The following MAN1A1 variants were observed in gnomAD, a reference collection of about 807,000 sequenced individuals.
MAN1A1 encodes the protein mannosyl-oligosaccharide 1,2-alpha-mannosidase IA.
Under a neutral mutation model 70.8 loss-of-function variants are expected in MAN1A1, and 29 were observed. The observed-to-expected ratio is 0.41, with a 90% CI of 0.31 to 0.56. The LOEUF (loss-of-function observed/expected upper bound fraction) is 0.56. Among genes scored for constraint, MAN1A1 ranks in the 20% least tolerant of loss-of-function variants. The probability of loss-of-function intolerance (pLI) is 0.29; values close to 1 mark genes in which losing one functional copy is unlikely to be tolerated. For synonymous variants in MAN1A1, 349 were observed against 330.1 expected (o/e 1.06, Z -0.62); for missense variants, 747 against 841.3 (o/e 0.89, Z 1.39).
intron 7 of MAN1A1, 111 bp downstream of exon 7, chr6:119,204,648 A>G: frequency 2.3e-6 from 3 of 1,310,982 alleles, no homozygotes; most frequent in East Asian, 4.6e-5. Flanking sequence ...AGAAAGAGCT[A>G]TAACAAATTT....
intron 5 of MAN1A1, among the ~76,000 whole-genome samples, chr6:119,284,934 C>T (rs893039855): frequency 1.3e-5 from 2 of 151,926 alleles, no homozygotes; most frequent in Non-Finnish European, 1.5e-5. Flanking sequence ...AAAGGAATAC[C>T]TGAGGCTGGG....
intron 6 of MAN1A1, among the ~76,000 whole-genome samples, chr6:119,228,682 C>A (rs1774587923): frequency 6.6e-6 from 1 of 151,570 alleles, no homozygotes. Context: ...CTTAAAAAAA[C>A]AAATTTGGAA....
At chr6:119,272,302 T>C (rs1044030868) in intron 5 of MAN1A1, among the ~76,000 whole-genome samples, 1 of 152,212 alleles carries the variant, frequency 6.6e-6, no homozygotes, top group African/African-American at 2.4e-5. Flanking sequence ...ACCTCTTTTA[T>C]CTCTCAGACC....
rs35544784 is a variant in MAN1A1, at chr6:119,179,830, T to C, written c.1951A>G (p.Arg651Gly). 775 of 1,612,342 alleles carry C rather than the reference T, an allele frequency of 4.8e-4. 2 individuals carry two copies. In the African/African-American group the frequency reaches 9.5e-3, roughly 20 times the overall value. ...LPKDKKEVEI[R>G]EE ...TATAAAATGTCTTTTTATTCCTCTC[T>C]GATTTCAACTTCCTTTTTATCTTTA... is the stretch of plus-strand genomic sequence containing the variant. The change falls in exon 13 of 13, where the codon AGA (arginine) becomes GGA (glycine). Residue 651 changes from arginine (R) to glycine (G), a missense_variant. By Grantham distance (125) the Arg-to-Gly change is moderately radical. Coordinates refer to ENST00000368468, the MANE Select transcript of MAN1A1 (RefSeq NM_005907.4).
chr6:119,330,429 A>G (rs1773277546), intron 2 of MAN1A1, among the ~76,000 whole-genome samples: 1 of 152,090 alleles, frequency 6.6e-6, no homozygotes, highest in African/African-American at 2.4e-5. Flanking sequence ...AAAGTTCTAT[A>G]AATTCCGGTT....
At chr6:119,187,965 C>T (rs1166638646) in intron 11 of MAN1A1, among the ~76,000 whole-genome samples, 1 of 152,138 alleles carries the variant, frequency 6.6e-6, no homozygotes, top group Non-Finnish European at 1.5e-5. Context: ...TCTATAAGTG[C>T]TTTCTAAAAG....
chr6:119,296,648 C>T (rs1442943142), intron 4 of MAN1A1, among the ~76,000 whole-genome samples: 2 of 152,050 alleles, frequency 1.3e-5, no homozygotes, highest in African/African-American at 4.8e-5. Flanking sequence ...AACCCTACAA[C>T]TTACTTTCTT....
rs558278818 is a variant in MAN1A1, at chr6:119,212,078, G to A, written c.993-7196C>T. Among the ~76,000 whole-genome samples, 78 of 151,450 alleles carry A rather than the reference G, an allele frequency of 5.2e-4. 2 individuals are homozygous for A. In the South Asian group the frequency reaches 0.01, roughly 20 times the overall value. On this transcript the variant is annotated intron_variant, in intron 6 of 12. Coordinates refer to ENST00000368468, the MANE Select transcript of MAN1A1 (RefSeq NM_005907.4). ...GATGGTCTCGATCTCCCAACCTCAT[G>A]ATCTGCTCGCCTCAGCCTCCCAAAG... is the stretch of plus-strand genomic sequence containing the variant.
chr6:119,276,074 G>A (rs1776055695), intron 5 of MAN1A1, among the ~76,000 whole-genome samples: 1 of 152,070 alleles, frequency 6.6e-6, no homozygotes, highest in Non-Finnish European at 1.5e-5. Context: ...CATTCCAAAG[G>A]AAAGAAAGAA....
intron 5 of MAN1A1, among the ~76,000 whole-genome samples, chr6:119,281,680 T>G (rs185298499): frequency 1.3e-4 from 20 of 152,328 alleles, no homozygotes; most frequent in African/African-American, 4.8e-4. Context: ...CAGGTCTATT[T>G]CTCACTGATG....
At chr6:119,252,531 T>C (rs1281951698) in intron 5 of MAN1A1, among the ~76,000 whole-genome samples, 1 of 152,304 alleles carries the variant, frequency 6.6e-6, no homozygotes, top group Non-Finnish European at 1.5e-5. Flanking sequence ...CGGGGGCTCA[T>C]GCCTGTAATC....
chr6:119,249,488 G>GTC (rs1483559135), intron 5 of MAN1A1, among the ~76,000 whole-genome samples: 2 of 152,156 alleles, frequency 1.3e-5, no homozygotes, highest in Admixed American at 6.5e-5. Context: ...CCTTTAAGCC[G>GTC]TATGACTGAG....
chr6:119,180,342 T>C lies in MAN1A1; in HGVS notation c.1805A>G (p.Gln602Arg), dbSNP rs775259339. ...TGTCTCTGCCAGGAAGAAACTCTGC[T>C]GCACATCATCATAACTCTCATGAAG... ...YLLHESYDDV[Q>R]QSFFLAETLK... The change falls in exon 12 of 13, where the codon CAG (glutamine) becomes CGG (arginine). Residue 602 changes from glutamine (Q) to arginine (R), a missense_variant. Coordinates refer to ENST00000368468, the MANE Select transcript of MAN1A1 (RefSeq NM_005907.4). The C allele has an allele frequency of 6.2e-7, 1 of 1,613,854 alleles. No homozygotes were observed. Among genetic ancestry groups the C allele is most frequent in the South Asian group, 1.1e-5 (1 of 91,070 alleles).
At chr6:119,199,399 A>T (rs959648339) in intron 8 of MAN1A1, among the ~76,000 whole-genome samples, 13 of 152,174 alleles carry the variant, frequency 8.5e-5, no homozygotes, top group African/African-American at 2.9e-4. Flanking sequence ...TCAGCTTGCA[A>T]CTCAAAACAC....
At chr6:119,295,744 T>C (rs1307806063) in intron 4 of MAN1A1, among the ~76,000 whole-genome samples, 1 of 152,162 alleles carries the variant, frequency 6.6e-6, no homozygotes, top group Non-Finnish European at 1.5e-5. Context: ...CTCCAAACTC[T>C]GTATCAGCTT....
chr6:119,220,916 G>A (rs1774342294), intron 6 of MAN1A1, among the ~76,000 whole-genome samples: 1 of 151,802 alleles, frequency 6.6e-6, no homozygotes, highest in African/African-American at 2.4e-5. Flanking sequence ...AACCCAATAT[G>A]TACAAAACTG....
chr6:119,325,185 A>T (rs1205048456), intron 2 of MAN1A1, among the ~76,000 whole-genome samples: 1 of 152,208 alleles, frequency 6.6e-6, no homozygotes, highest in Non-Finnish European at 1.5e-5. Context: ...ACCTTAACAG[A>T]TGACAAAACT....
At chr6:119,310,845 T>C (rs1482748266) in intron 2 of MAN1A1, among the ~76,000 whole-genome samples, 1 of 152,212 alleles carries the variant, frequency 6.6e-6, no homozygotes, top group Non-Finnish European at 1.5e-5. Context: ...TATAGAACTA[T>C]CAACAATGCT....
At chr6:119,342,412 C>T (rs1168918461) in intron 2 of MAN1A1, among the ~76,000 whole-genome samples, 2 of 152,120 alleles carry the variant, frequency 1.3e-5, no homozygotes, top group Non-Finnish European at 2.9e-5. Flanking sequence ...TTGTTGTGTG[C>T]CCACTTCATG....
Sources: allele counts gnomAD v4.1 joint callset (sites outside exome capture counted in the v4.1 genomes callset), GRCh38; gene constraint gnomAD v4.1.1; transcripts MANE v1.5; gene names NCBI Gene and HGNC (gene_info 2026-07-23, HGNC 2026-07-21).